Variants in PLEK observed in about 807,000 individuals in gnomAD.
PLEK encodes the protein platelet 47 kDa protein.
A neutral mutation model predicts 43.9 loss-of-function variants in PLEK; 25 were observed. The ratio of observed to expected loss-of-function variants is 0.57; its 90% confidence interval spans 0.41 to 0.79. The LOEUF is 0.79. PLEK is among the 30% of genes least tolerant of loss of function. The pLI, the probability that PLEK is intolerant of heterozygous loss-of-function variation, is 0.00. For synonymous variants in PLEK, 152 were observed against 144.4 expected (o/e 1.05, Z -0.38); for missense variants, 396 against 413.3 (o/e 0.96, Z 0.36).
intron 5 of PLEK, among the ~76,000 whole-genome samples, chr2:68,387,144 T>C (rs1673763893): frequency 6.6e-6 from 1 of 152,178 alleles, no homozygotes; most frequent in South Asian, 2.1e-4. Flanking sequence ...TAGCTAGGAT[T>C]ACAGGCATGC....
In PLEK at chr2:68,397,420, G is replaced by T. The variant is rs1673980676; in HGVS notation, c.*1604G>T. 6.6e-6 allele frequency: 1 copy of T among 152,124 alleles called. No homozygotes were observed. 9.4% of individuals were successfully genotyped at this position (152,124 alleles called of 1,614,324 possible). ...TTTATTAATGGGAAGTCAACTTAAT[G>T]TTTTGAAATAAATATATGACTCTGT... On this transcript the variant is annotated 3_prime_UTR_variant, in exon 9 of 9. Coordinates refer to ENST00000234313, the MANE Select transcript of PLEK (RefSeq NM_002664.3).
At chr2:68,381,042 A>G (rs1673603766) in intron 3 of PLEK, 138 bp downstream of exon 3, 2 of 745,266 alleles carry the variant, frequency 2.7e-6, no homozygotes, top group African/African-American at 1.8e-5. Flanking sequence ...TTGGTGTACT[A>G]AAATGTTTAC....
intron 2 of PLEK, 48 bp from the exon 3 acceptor site, chr2:68,380,675 A>G (rs779391692): frequency 6.3e-7 from 1 of 1,586,412 alleles, no homozygotes; most frequent in South Asian, 1.1e-5. Flanking sequence ...GAGGGGCCCC[A>G]AGCCCTTGAA....
intron 1 of PLEK, among the ~76,000 whole-genome samples, chr2:68,374,036 G>C (rs1673457041): frequency 6.6e-6 from 1 of 152,082 alleles, no homozygotes; most frequent in Admixed American, 6.6e-5. Flanking sequence ...CCTTTACCTA[G>C]ATTAATCAAT....
chr2:68,385,065 C>T (rs544501170), intron 4 of PLEK, among the ~76,000 whole-genome samples: 6 of 152,324 alleles, frequency 3.9e-5, no homozygotes, highest in South Asian at 4.1e-4. Flanking sequence ...GACAGGCAGG[C>T]TGTCATGTTG....
chr2:68,371,238 C>G (rs1259909797), intron 1 of PLEK, among the ~76,000 whole-genome samples: 1 of 152,188 alleles, frequency 6.6e-6, no homozygotes, highest in Non-Finnish European at 1.5e-5. Flanking sequence ...TACATTTTCT[C>G]CCTTAAGTTA....
At position 68,393,021 on chromosome 2, in the gene PLEK, G is replaced by A. The variant is rs907285279; in HGVS notation, c.763-141G>A. 4.1e-5 allele frequency: 28 copies of A among 688,800 alleles called. 1 individual carries two copies. The Middle Eastern group carries it at 2.2e-3, about 54-fold the overall frequency. The allele number at this position is 688,800 out of a possible 1,614,324, so 42.7% of individuals were successfully genotyped here. On this transcript the variant is annotated intron_variant, in intron 6 of 8. Coordinates refer to ENST00000234313, the MANE Select transcript of PLEK (RefSeq NM_002664.3). ...TATCTCCCTGACAAAGACCTAGGCC[G>A]GGATATTGTTATCCTGGAGTTAGTA... is the stretch of plus-strand genomic sequence containing the variant.
At chr2:68,371,500 T>G (rs1673401561) in intron 1 of PLEK, among the ~76,000 whole-genome samples, 1 of 152,234 alleles carries the variant, frequency 6.6e-6, no homozygotes, top group Non-Finnish European at 1.5e-5. Flanking sequence ...AGGTACTATT[T>G]AATGAGTGAT....
intron 1 of PLEK, among the ~76,000 whole-genome samples, chr2:68,374,855 G>A (rs1016349): frequency 0.53 from 80,445 of 151,960 alleles, 22,876 homozygotes; most frequent in East Asian, 0.76. Flanking sequence ...AAAATTGCTA[G>A]GTTGTTTTCC....
In PLEK at chr2:68,380,238, T is replaced by C. The variant is rs986714330; in HGVS notation, c.43-90T>C. 1.1e-5 allele frequency: 12 copies of C among 1,075,574 alleles called. No individual in the cohort carries two copies. The Admixed American group carries it at 3.0e-4, about 27-fold the overall frequency. 66.6% of individuals were successfully genotyped at this position (1,075,574 alleles called of 1,614,324 possible). ...GTCACCAAACATTTTAAAAACCAAC[T>C]GTAAGTAAATATAGAATCTTTCCTG... On this transcript the variant is annotated intron_variant, in intron 1 of 8. Transcript: ENST00000234313.
At chr2:68,376,649 G>A (rs1175531888) in intron 1 of PLEK, among the ~76,000 whole-genome samples, 1 of 151,950 alleles carries the variant, frequency 6.6e-6, no homozygotes, top group Non-Finnish European at 1.5e-5. Flanking sequence ...TGGGTGCATA[G>A]TAGGTATATG....
At chr2:68,376,973 G>A (rs891425251) in intron 1 of PLEK, among the ~76,000 whole-genome samples, 2 of 152,002 alleles carry the variant, frequency 1.3e-5, no homozygotes, top group Admixed American at 1.3e-4. Flanking sequence ...GTGTCCATGA[G>A]TTCAGTTGTT....
rs747563089 is a variant in PLEK at position 68,380,827 on chromosome 2, A to G, written c.303A>G (p.Lys101=). The part of the protein sequence containing the change: ...AWVRDIKKAI[K]CIEGGQKFAR... ...TTCGGGATATCAAGAAGGCCATTAA[A>G]TGCATTGAAGGAGGCCAGAAATTTG... is the stretch of plus-strand genomic sequence containing the variant. The change falls in exon 3 of 9, where the codon AAA becomes AAG. Residue 101 remains lysine (K), a synonymous_variant. Coordinates refer to ENST00000234313, the MANE Select transcript of PLEK (RefSeq NM_002664.3). 2 of 1,614,078 alleles carry G rather than the reference A, an allele frequency of 1.2e-6. No individual in the cohort carries two copies. Among genetic ancestry groups the G allele is most frequent in the South Asian group, 1.1e-5 (1 of 91,082 alleles).
chr2:68,388,226 G>A (rs1015018331), intron 5 of PLEK, 161 bp from the exon 6 acceptor site: 10 of 540,218 alleles, frequency 1.9e-5, no homozygotes, highest in Admixed American at 6.1e-5. Flanking sequence ...GGAGAAACTC[G>A]CTCATCAAGG....
At chr2:68,381,117 C>T (rs1158608183) in intron 3 of PLEK, among the ~76,000 whole-genome samples, 1 of 139,138 alleles carries the variant, frequency 7.2e-6, no homozygotes, top group Non-Finnish European at 1.5e-5. Flanking sequence ...AGTACAAATT[C>T]CCTCATACTG....
At chr2:68,365,563 G>T in intron 1 of PLEK, 170 bp downstream of exon 1, 1 of 589,948 alleles carries the variant, frequency 1.7e-6, no homozygotes, top group South Asian at 1.9e-5. Context: ...TAGGGGAGTG[G>T]GGATACTCAT....
At chr2:68,381,313 G>C (rs1673609835) in intron 3 of PLEK, among the ~76,000 whole-genome samples, 1 of 152,174 alleles carries the variant, frequency 6.6e-6, no homozygotes, top group African/African-American at 2.4e-5. Flanking sequence ...ACTCAGGAAG[G>C]GCCAGCCAGG....
chr2:68,386,720 G>C (rs758262524), intron 5 of PLEK, 34 bp downstream of exon 5: 11 of 1,537,484 alleles, frequency 7.2e-6, no homozygotes, highest in Admixed American at 1.7e-5. Flanking sequence ...CTTCCTGTAA[G>C]GGAGGCTGCC....
At chr2:68,380,565 T>C in intron 2 of PLEK, 82 bp downstream of exon 2, 2 of 1,479,112 alleles carry the variant, frequency 1.4e-6, no homozygotes, top group South Asian at 1.2e-5. Context: ...ATGTGGGTGG[T>C]GCTCCTTGGG....
Sources: gnomAD v4.1 joint callset for allele counts (sites outside exome capture counted in the v4.1 genomes callset) on GRCh38, gnomAD v4.1.1 for gene constraint, MANE v1.5 for transcripts, NCBI Gene and HGNC (gene_info 2026-07-23, HGNC 2026-07-21) for gene names.